The following USPL1 variants were observed in gnomAD, a reference collection of about 807,000 sequenced individuals.
USPL1 encodes the protein ubiquitin specific peptidase like 1, also known as SUMO-specific isopeptidase USPL1.
In USPL1, 27 loss-of-function variants were observed where a neutral mutation model predicts 51.5. That is an observed-to-expected ratio of 0.52 (90% CI 0.39 to 0.72). USPL1 has a LOEUF of 0.72. Ranked by LOEUF, USPL1 falls within the 30% of genes least tolerant of loss-of-function variation. USPL1 has a pLI of 0.00. For synonymous variants in USPL1, 451 were observed against 459.6 expected (o/e 0.98, Z 0.24); for missense variants, 1,226 against 1,268.0 (o/e 0.97, Z 0.50).
rs2137737549 is a variant in USPL1, at chr13:30,658,905, C to G, written c.2828C>G (p.Pro943Arg). The change falls in exon 9 of 9, where the codon CCA becomes CGA. Residue 943 changes from proline to arginine, a missense_variant. Physicochemically the swap from Pro to Arg is moderately radical, Grantham distance 103. Transcript: ENST00000255304. ...ESIEDLLNEL[P>R]YPIDIASESA... is the part of the protein sequence containing the mutation. ...ATAGAGGACTTGTTAAATGAGCTACCATATCCAATTGATATTGCCAGTGAG... is the reference window on the plus strand; with the variant it reads ...ATAGAGGACTTGTTAAATGAGCTACGATATCCAATTGATATTGCCAGTGAG... 6.2e-7 allele frequency: 1 copy of G among 1,614,148 alleles called. No homozygotes were observed. The highest frequency in any genetic ancestry group is 8.5e-7 in the Non-Finnish European group (1 of 1,180,028).
chr13:30,621,297 G>A lies in USPL1; in HGVS notation c.99+58G>A, dbSNP rs1353436942. 5 of 1,305,010 alleles carry A rather than the reference G, an allele frequency of 3.8e-6. No individual in the cohort carries two copies. In the African/African-American group the frequency reaches 6.1e-5, roughly 16 times the overall value. 80.8% of individuals were successfully genotyped at this position (1,305,010 alleles called of 1,614,324 possible). A position where few individuals can be genotyped will look rare whatever the true frequency, so the allele number is the denominator to read the frequency against. On this transcript the variant is annotated intron_variant, in intron 2 of 8. Coordinates refer to ENST00000255304, the MANE Select transcript of USPL1 (RefSeq NM_005800.5). ...GTTTTTTTTTTTTCTCTATTTTTGAGACTTAAATTCAATTTTGATGTTACC... is the reference window on the plus strand; with the variant it reads ...GTTTTTTTTTTTTCTCTATTTTTGAAACTTAAATTCAATTTTGATGTTACC...
At chr13:30,643,182 C>G (rs968460586) in intron 6 of USPL1, among the ~76,000 whole-genome samples, 2 of 152,184 alleles carry the variant, frequency 1.3e-5, no homozygotes, top group Non-Finnish European at 2.9e-5. Context: ...AAAGACCAGC[C>G]ACCTCCAGAA....
At chr13:30,644,277 C>T (rs1458101848) in intron 6 of USPL1, among the ~76,000 whole-genome samples, 1 of 151,836 alleles carries the variant, frequency 6.6e-6, no homozygotes, top group Non-Finnish European at 1.5e-5. Flanking sequence ...GAATGACACT[C>T]CGTCTCAAAA....
At chr13:30,650,408 C>G (rs1439871805) in intron 7 of USPL1, among the ~76,000 whole-genome samples, 1 of 151,790 alleles carries the variant, frequency 6.6e-6, no homozygotes, top group Non-Finnish European at 1.5e-5. Flanking sequence ...GAAACCGCAT[C>G]TCTACTAAAA....
chr13:30,624,219 GA>G (rs36031376), intron 3 of USPL1, among the ~76,000 whole-genome samples: 1 of 152,108 alleles, frequency 6.6e-6, no homozygotes, highest in African/African-American at 2.4e-5. Context: ...TTGGTGTGGG[GA>G]AAAAGCCCCC....
rs542543429 is a variant in USPL1, at chr13:30,638,282, C to G, written c.982+425C>G. On this transcript the variant is annotated intron_variant, in intron 5 of 8. Transcript: ENST00000255304. Reference sequence around the variant, plus strand: ...CAGGAAATCAGTAATTTTTAGAAACCCCACATGATTGTTATATGTACCCAG... The same window carrying G: ...CAGGAAATCAGTAATTTTTAGAAACGCCACATGATTGTTATATGTACCCAG... Among the ~76,000 whole-genome samples the G allele has an allele frequency of 6.6e-5, 10 of 152,130 alleles. No homozygotes were observed. The East Asian group carries it at 1.7e-3, about 26-fold the overall frequency.
intron 7 of USPL1, among the ~76,000 whole-genome samples, chr13:30,648,000 C>T (rs1951040639): frequency 6.6e-6 from 1 of 152,146 alleles, no homozygotes; most frequent in African/African-American, 2.4e-5. Flanking sequence ...GTAATGCAGT[C>T]TGTTCTCCTT....
At position 30,658,165 on chromosome 13, in the gene USPL1, T is replaced by C. The variant is rs745619433; in HGVS notation, c.2088T>C (p.Ile696=). 95 of 1,613,068 alleles carry C rather than the reference T, an allele frequency of 5.9e-5. No homozygotes were observed. The highest frequency in any genetic ancestry group is 3.3e-4 in the Middle Eastern group (2 of 6,082). The change falls in exon 9 of 9, where the codon ATT becomes ATC. Residue 696 remains isoleucine (I), a synonymous_variant. Coordinates refer to ENST00000255304, the MANE Select transcript of USPL1 (RefSeq NM_005800.5). The stretch of plus-strand genomic sequence containing the variant: ...TACAGGGAGTGAAGTCAGTAGAAAT[T>C]GAGAAGGACGCTCAGTTAAAACAAT... ...GLIQGVKSVE[I]EKDAQLKQFL...
At chr13:30,655,302 T>C (rs1951147325) in intron 8 of USPL1, among the ~76,000 whole-genome samples, 1 of 152,240 alleles carries the variant, frequency 6.6e-6, no homozygotes, top group Non-Finnish European at 1.5e-5. Context: ...GAATGTGTTT[T>C]AAGTCTGTGT....
chr13:30,622,994 T>A (rs1051325530), intron 3 of USPL1, among the ~76,000 whole-genome samples: 20 of 152,152 alleles, frequency 1.3e-4, no homozygotes, highest in African/African-American at 4.8e-4. Context: ...AAGGAAGTTA[T>A]GTCATAGAGT....
chr13:30,658,854 A>G lies in USPL1; in HGVS notation c.2777A>G (p.Asp926Gly), dbSNP rs148255451. The change falls in exon 9 of 9, where the codon GAT becomes GGT. Residue 926 changes from aspartate to glycine, a missense_variant. Physicochemically the swap from Asp to Gly is moderately conservative, Grantham distance 94 (BLOSUM62 -1). Transcript: ENST00000255304. ...GAAAATCTAGAACAGGTGCCCCAGG[A>G]TGGGTCTCCAAATGATTGTGAATCA... ...RSENLEQVPQDGSPNDCESIE... is the reference protein window; with the variant it reads ...RSENLEQVPQGGSPNDCESIE... The G allele has an allele frequency of 6.2e-7, 1 of 1,614,000 alleles. No individual in the cohort carries two copies. Among genetic ancestry groups the G allele is most frequent in the Admixed American group, 1.7e-5 (1 of 60,028 alleles).
chr13:30,632,431 T>A (rs1461662971), intron 4 of USPL1, among the ~76,000 whole-genome samples: 1 of 147,762 alleles, frequency 6.8e-6, no homozygotes, highest in Admixed American at 6.8e-5. Flanking sequence ...TTTTTTTTTT[T>A]AAGACAGAGC....
Position 30,659,000 on chromosome 13 carries a change from T to C in USPL1, c.2923T>C (p.Leu975=), listed in dbSNP as rs1236312963. ...SQTHEEILAE[L]LSPTPVSTEL... is the part of the protein sequence containing the mutation. ...AACTCATGAAGAAATTTTAGCGGAA[T>C]TATTGTCTCCTACACCTGTTTCAAC... The change falls in exon 9 of 9, where the codon TTA becomes CTA. Residue 975 remains leucine (L), a synonymous_variant. Coordinates refer to ENST00000255304, the MANE Select transcript of USPL1 (RefSeq NM_005800.5). 1 of 1,614,168 alleles carries C rather than the reference T, an allele frequency of 6.2e-7. No homozygotes were observed. Among genetic ancestry groups the C allele is most frequent in the Non-Finnish European group, 8.5e-7 (1 of 1,180,030 alleles).
chr13:30,649,856 A>G (rs2137700170), intron 7 of USPL1, among the ~76,000 whole-genome samples: 1 of 152,316 alleles, frequency 6.6e-6, no homozygotes, highest in South Asian at 2.1e-4. Flanking sequence ...ATTCAAATGG[A>G]TCTTAGCCTG....
At chr13:30,643,601 C>G (rs1301062165) in intron 6 of USPL1, among the ~76,000 whole-genome samples, 8 of 49,098 alleles carry the variant, frequency 1.6e-4, no homozygotes, top group African/African-American at 4.2e-4. Context: ...ACTCTTTCCA[C>G]CCCCCCCCGC....
chr13:30,633,087 T>C (rs1299076107), intron 4 of USPL1, among the ~76,000 whole-genome samples: 1 of 152,224 alleles, frequency 6.6e-6, no homozygotes, highest in Non-Finnish European at 1.5e-5. Context: ...ATCTAAACAG[T>C]ATACAGTAGT....
chr13:30,656,201 A>AT (rs1951161617), intron 8 of USPL1, among the ~76,000 whole-genome samples: 1 of 152,004 alleles, frequency 6.6e-6, no homozygotes, highest in Non-Finnish European at 1.5e-5. Flanking sequence ...TACTTTTTGT[A>AT]TTTTTTTGTT....
intron 3 of USPL1, among the ~76,000 whole-genome samples, chr13:30,628,813 C>T (rs1262491451): frequency 6.6e-6 from 1 of 152,176 alleles, no homozygotes; most frequent in Non-Finnish European, 1.5e-5. Flanking sequence ...GAGTTGCTTT[C>T]ACTTTTTGGG....
chr13:30,641,004 G>T (rs1346122920), intron 5 of USPL1, among the ~76,000 whole-genome samples: 1 of 152,176 alleles, frequency 6.6e-6, no homozygotes, highest in Non-Finnish European at 1.5e-5. Context: ...ATGTAGGCTG[G>T]TGTTCCACCT....
Sources: allele counts gnomAD v4.1 joint callset (sites outside exome capture counted in the v4.1 genomes callset), GRCh38; gene constraint gnomAD v4.1.1; transcripts MANE v1.5; gene names NCBI Gene and HGNC (gene_info 2026-07-23, HGNC 2026-07-21).